The following PEX14 variants were observed in gnomAD, a reference collection of about 807,000 sequenced individuals.
PEX14 encodes peroxisomal membrane protein PEX14.
In PEX14, 15 loss-of-function variants were observed where a neutral mutation model predicts 49.5. That is an observed-to-expected ratio of 0.30 (90% CI 0.20 to 0.47). The LOEUF (loss-of-function observed/expected upper bound fraction) is 0.47. PEX14 is among the 20% of genes least tolerant of loss of function. PEX14 has a pLI of 1.00. For missense variants in PEX14, 398 were observed against 494.8 expected (o/e 0.80, Z 1.86); for synonymous variants, 210 against 212.7 (o/e 0.99, Z 0.11).
chr1:10,517,671 A>G (rs1641994599), intron 2 of PEX14, among the ~76,000 whole-genome samples: 1 of 147,164 alleles, frequency 6.8e-6, no homozygotes, highest in African/African-American at 2.5e-5. Flanking sequence ...TTTTTTCTAA[A>G]TGGGAAGCAG....
rs1353585477 is a variant in PEX14, at chr1:10,628,890, G to T, written c.678-641G>T. Among the ~76,000 whole-genome samples the T allele has an allele frequency of 4.6e-5, 7 of 152,220 alleles. No homozygotes were observed. Among genetic ancestry groups the T allele is most frequent in the African/African-American group, 1.7e-4 (7 of 41,458 alleles). ...GGACCTGACCTCCCAGGTCCCTCCTGGAATTGGCTTTGGTTTGGGCTGGCT... is the reference window on the plus strand; with the variant it reads ...GGACCTGACCTCCCAGGTCCCTCCTTGAATTGGCTTTGGTTTGGGCTGGCT... On this transcript the variant is annotated intron_variant, in intron 8 of 8. Transcript: ENST00000356607. This position sits in a 1 kb window ranked among gnomAD's most constrained non-coding sequence, Gnocchi z 4.5.
At chr1:10,510,980 A>G (rs17511268) in intron 2 of PEX14, among the ~76,000 whole-genome samples, 14 of 152,294 alleles carry the variant, frequency 9.2e-5, no homozygotes, top group East Asian at 1.9e-4. Context: ...TTTATTTGCA[A>G]TGACACTGGG....
At chr1:10,577,412 A>AAAAAC (rs1174916557) in intron 3 of PEX14, among the ~76,000 whole-genome samples, 1 of 143,064 alleles carries the variant, frequency 7.0e-6, no homozygotes, top group Non-Finnish European at 1.5e-5. Flanking sequence ...AAAAAAACCA[A>AAAAAC]AAAAAAAAAA....
At chr1:10,535,987 A>G in intron 2 of PEX14, 1 of 523,684 alleles carries the variant, frequency 1.9e-6, no homozygotes, top group Non-Finnish European at 3.5e-6. Flanking sequence ...GAAGCTCGGC[A>G]GAGGGATTAG....
intron 1 of PEX14, among the ~76,000 whole-genome samples, chr1:10,493,933 G>A (rs535019097): frequency 6.6e-6 from 1 of 152,350 alleles, no homozygotes; most frequent in South Asian, 2.1e-4. Context: ...GAAGAGGCAG[G>A]AAGGCAGTCG....
At chr1:10,541,488 G>A (rs977269676) in intron 3 of PEX14, among the ~76,000 whole-genome samples, 5 of 152,244 alleles carry the variant, frequency 3.3e-5, no homozygotes, top group Admixed American at 2.0e-4. Flanking sequence ...CCAGTGCAGA[G>A]CCTCTGGGGG....
At chr1:10,502,947 A>G (rs978476774) in intron 2 of PEX14, among the ~76,000 whole-genome samples, 3 of 151,356 alleles carry the variant, frequency 2.0e-5, no homozygotes, top group African/African-American at 7.3e-5. Flanking sequence ...ACCGGTGCAC[A>G]CCACCATGCC....
At chr1:10,606,326 C>T (rs892721084) in intron 4 of PEX14, among the ~76,000 whole-genome samples, 2 of 152,186 alleles carry the variant, frequency 1.3e-5, no homozygotes, top group African/African-American at 2.4e-5. Context: ...GGGGAGAAAG[C>T]GGGAAAAGGG....
At chr1:10,609,427 T>TA (rs771287922) in intron 4 of PEX14, among the ~76,000 whole-genome samples, 1 of 152,234 alleles carries the variant, frequency 6.6e-6, no homozygotes, top group Non-Finnish European at 1.5e-5. Flanking sequence ...AAACAAGTTG[T>TA]AACTCATTTA....
chr1:10,508,972 T>C (rs1456162834), intron 2 of PEX14, among the ~76,000 whole-genome samples: 1 of 151,152 alleles, frequency 6.6e-6, no homozygotes, highest in Non-Finnish European at 1.5e-5. Flanking sequence ...AGTCTCGCTC[T>C]GTCGCCCAGG....
chr1:10,564,025 T>C (rs1222546348), intron 3 of PEX14, among the ~76,000 whole-genome samples: 2 of 152,232 alleles, frequency 1.3e-5, no homozygotes, highest in Non-Finnish European at 2.9e-5. Flanking sequence ...TGGCAGCTTT[T>C]AGATTTTTTT....
intron 2 of PEX14, among the ~76,000 whole-genome samples, chr1:10,497,266 C>T (rs2506881): frequency 0.071 from 10,831 of 152,130 alleles, 1,290 homozygotes; most frequent in African/African-American, 0.24. Context: ...GGCAGAGGAG[C>T]CCGCTGAGGA....
chr1:10,512,871 G>C lies in PEX14; in HGVS notation c.84+17550G>C, dbSNP rs1450793500. The stretch of plus-strand genomic sequence containing the variant: ...TGCCACCACGCCCGGCTAATTTTTT[G>C]TATTTTTAGTAGAGATGAGGTTTCA... On this transcript the variant is annotated intron_variant, in intron 2 of 8. Coordinates refer to ENST00000356607, the MANE Select transcript of PEX14 (RefSeq NM_004565.3). This position sits in a 1 kb window ranked among gnomAD's most constrained non-coding sequence, Gnocchi z 4.6. Among the ~76,000 whole-genome samples, 1 of 152,014 alleles carries C rather than the reference G, an allele frequency of 6.6e-6. No individual in the cohort carries two copies. The highest frequency in any genetic ancestry group is 1.5e-5 in the Non-Finnish European group (1 of 68,000).
At chr1:10,518,763 C>G (rs535542049) in intron 2 of PEX14, among the ~76,000 whole-genome samples, 10 of 152,176 alleles carry the variant, frequency 6.6e-5, no homozygotes, top group Non-Finnish European at 1.3e-4. Flanking sequence ...GCGTTCCCAG[C>G]CCTTGCCCGA....
rs1641784489 is a variant in PEX14 at position 10,627,477 on chromosome 1, C to T, written c.677+114C>T. The T allele has an allele frequency of 9.1e-6, 7 of 766,638 alleles. No individual in the cohort carries two copies. In the East Asian group the frequency reaches 1.8e-4, roughly 20 times the overall value. 47.5% of individuals were successfully genotyped at this position (766,638 alleles called of 1,614,324 possible). Reference sequence around the variant, plus strand: ...CCCCACCCCCAAGGACCCCATCTGTCTGGGCGACTCAGGCACTGAGTCTGG... The same window carrying T: ...CCCCACCCCCAAGGACCCCATCTGTTTGGGCGACTCAGGCACTGAGTCTGG... On this transcript the variant is annotated intron_variant, in intron 8 of 8. Transcript: ENST00000356607.
At chr1:10,503,281 C>CAAAAAAAAAAAAA (rs59342388) in intron 2 of PEX14, among the ~76,000 whole-genome samples, 7 of 75,484 alleles carry the variant, frequency 9.3e-5, no homozygotes, top group African/African-American at 3.5e-4. Flanking sequence ...GACTCTGTCT[C>CAAAAAAAAAAAAA]AAAAAAAAAA....
At chr1:10,618,910 G>A (rs1250486819) in intron 5 of PEX14, among the ~76,000 whole-genome samples, 4 of 152,236 alleles carry the variant, frequency 2.6e-5, no homozygotes, top group Non-Finnish European at 5.9e-5. Context: ...GTCCGGAAGA[G>A]TCAGTCTCCC....
chr1:10,593,354 A>G (rs183113524), intron 3 of PEX14, among the ~76,000 whole-genome samples: 1 of 152,172 alleles, frequency 6.6e-6, no homozygotes, highest in Admixed American at 6.5e-5. Flanking sequence ...CTGCCTAACG[A>G]TTTCTAGAAG....
At chr1:10,536,795 A>G (rs915645682) in intron 3 of PEX14, among the ~76,000 whole-genome samples, 1 of 152,180 alleles carries the variant, frequency 6.6e-6, no homozygotes, top group Non-Finnish European at 1.5e-5. Context: ...GTTTTATGGT[A>G]TTTCTGTAAA....
Sources: allele counts gnomAD v4.1 joint callset (sites outside exome capture counted in the v4.1 genomes callset), GRCh38; gene constraint gnomAD v4.1.1; non-coding constraint Gnocchi (gnomAD v3.1); transcripts MANE v1.5; gene names NCBI Gene and HGNC (gene_info 2026-07-23, HGNC 2026-07-21).